DEPTOR: variants seen among roughly 807,000 people sequenced by gnomAD.
DEPTOR encodes DEP domain containing MTOR interacting protein, also known as DEP domain-containing mTOR-interacting protein.
Under a neutral mutation model 41.6 loss-of-function variants are expected in DEPTOR, and 41 were observed. The observed-to-expected ratio is 0.98, with a 90% confidence interval of 0.77 to 1.28. DEPTOR has a LOEUF of 1.28. Ranked by LOEUF, DEPTOR falls within the 50% of genes most tolerant of loss-of-function variation. DEPTOR has a pLI of 0.00. For synonymous variants in DEPTOR, 195 were observed against 192.3 expected (o/e 1.01, Z -0.12); for missense variants, 514 against 527.9 (o/e 0.97, Z 0.26).
chr8:120,018,484 CAGG>C (rs1835099324), intron 8 of DEPTOR, among the ~76,000 whole-genome samples: 2 of 152,134 alleles, frequency 1.3e-5, no homozygotes, highest in African/African-American at 4.8e-5. Flanking sequence ...GAGGCTGAGG[CAGG>C]AGAATTGCTT....
At chr8:119,951,078 C>T (rs903704204) in intron 3 of DEPTOR, among the ~76,000 whole-genome samples, 2 of 149,788 alleles carry the variant, frequency 1.3e-5, no homozygotes, top group African/African-American at 5.1e-5. Flanking sequence ...CACAAACACA[C>T]ACACACACAC....
chr8:119,897,596 G>A (rs7818471), intron 1 of DEPTOR, among the ~76,000 whole-genome samples: 74,469 of 151,948 alleles, frequency 0.49, 19,913 homozygotes, highest in East Asian at 0.92. Context: ...GATATTTCTC[G>A]ATTTCTGTAA....
intron 1 of DEPTOR, among the ~76,000 whole-genome samples, chr8:119,915,067 A>G (rs1387069206): frequency 2.0e-5 from 3 of 152,116 alleles, no homozygotes; most frequent in African/African-American, 4.8e-5. Context: ...CCTGGGTTTA[A>G]GCAATTTTCC....
chr8:120,001,808 C>T (rs1021029478), intron 5 of DEPTOR, 98 bp downstream of exon 5: 19 of 1,365,918 alleles, frequency 1.4e-5, no homozygotes, highest in Admixed American at 1.1e-4. Flanking sequence ...TCTATCAGAG[C>T]GTAGAATTTT....
chr8:120,021,126 G>A (rs986668661), intron 8 of DEPTOR, among the ~76,000 whole-genome samples: 1 of 58,174 alleles, frequency 1.7e-5, no homozygotes, highest in East Asian at 3.9e-4. Flanking sequence ...GAATATGTGG[G>A]CCAGGTGCGG....
chr8:120,028,088 A>G (rs1295335118), intron 8 of DEPTOR, among the ~76,000 whole-genome samples: 1 of 152,204 alleles, frequency 6.6e-6, no homozygotes, highest in Non-Finnish European at 1.5e-5. Flanking sequence ...CTCAAATTCA[A>G]ACGGAAGGTG....
At chr8:119,970,333 GTAT>G (rs1447527539) in intron 4 of DEPTOR, among the ~76,000 whole-genome samples, 2 of 152,176 alleles carry the variant, frequency 1.3e-5, no homozygotes, top group African/African-American at 4.8e-5. Flanking sequence ...TGTGGCATTA[GTAT>G]TATTATTGCA....
At chr8:120,015,119 A>G (rs1002779768) in intron 8 of DEPTOR, among the ~76,000 whole-genome samples, 1 of 152,188 alleles carries the variant, frequency 6.6e-6, no homozygotes, top group Non-Finnish European at 1.5e-5. Flanking sequence ...ATGGCTCCCC[A>G]TCACAATAGG....
intron 1 of DEPTOR, among the ~76,000 whole-genome samples, chr8:119,898,056 C>T (rs939969291): frequency 2.6e-5 from 4 of 152,150 alleles, no homozygotes; most frequent in Admixed American, 6.5e-5. Context: ...GAGGGATAGG[C>T]AACAACTATG....
In DEPTOR at chr8:119,929,860, G is replaced by A. The variant is rs762470571; in HGVS notation, c.347G>A (p.Arg116His). The change falls in exon 3 of 9, where the codon CGC becomes CAC. Residue 116 changes from arginine (R) to histidine (H), a missense_variant. Arg to His is a conservative substitution (Grantham distance 29, BLOSUM62 0). Transcript: ENST00000286234. ...TTCAAGGATGTCAAACTCTTCTACC[G>A]CTTTAGAAAGGATGACGGCACCTTC... Reference protein sequence around the residue: ...KEFKDVKLFYRFRKDDGTFPL... With the variant: ...KEFKDVKLFYHFRKDDGTFPL... 18 of 1,613,666 alleles carry A rather than the reference G, an allele frequency of 1.1e-5. No homozygotes were observed. The highest frequency in any genetic ancestry group is 1.6e-4 in the Middle Eastern group (1 of 6,080).
chr8:119,890,908 C>T (rs777709978), intron 1 of DEPTOR, among the ~76,000 whole-genome samples: 9 of 152,002 alleles, frequency 5.9e-5, no homozygotes, highest in Non-Finnish European at 1.3e-4. Flanking sequence ...TGTTTGCCTT[C>T]GGGTCACAGT....
At chr8:119,982,080 AC>A (rs1348391235) in intron 4 of DEPTOR, among the ~76,000 whole-genome samples, 7 of 151,088 alleles carry the variant, frequency 4.6e-5, no homozygotes, top group Non-Finnish European at 1.0e-4. Context: ...AGTTTTACTG[AC>A]AGCAGAACAA....
chr8:120,029,003 G>C (rs548897235), intron 8 of DEPTOR, among the ~76,000 whole-genome samples: 1 of 151,814 alleles, frequency 6.6e-6, no homozygotes, highest in East Asian at 2.0e-4. Context: ...AACCTGGGAG[G>C]CAGAGGTTGT....
At chr8:119,979,307 T>G (rs1828733880) in intron 4 of DEPTOR, among the ~76,000 whole-genome samples, 1 of 152,160 alleles carries the variant, frequency 6.6e-6, no homozygotes, top group South Asian at 2.1e-4. Flanking sequence ...GGTGGAGTCT[T>G]GCTCTGTTGC....
chr8:120,033,698 C>T (rs1161177519), intron 8 of DEPTOR, among the ~76,000 whole-genome samples: 1 of 152,168 alleles, frequency 6.6e-6, no homozygotes, highest in Non-Finnish European at 1.5e-5. Context: ...TGCTAGGCTC[C>T]TAAAGATGAC....
intron 3 of DEPTOR, among the ~76,000 whole-genome samples, chr8:119,952,330 G>C (rs1163607927): frequency 6.6e-6 from 1 of 152,156 alleles, no homozygotes; most frequent in Non-Finnish European, 1.5e-5. Context: ...GGCACCTTCT[G>C]CTCTTTCCGT....
At position 120,050,368 on chromosome 8, in the gene DEPTOR, G is replaced by C. The variant is rs1813218523; in HGVS notation, c.*664G>C. On this transcript the variant is annotated 3_prime_UTR_variant, in exon 9 of 9. Coordinates refer to ENST00000286234, the MANE Select transcript of DEPTOR (RefSeq NM_022783.4). The stretch of plus-strand genomic sequence containing the variant: ...GGGGGTAGTTAGGGAGAGACTACAT[G>C]AAATTGTGTGCCCCTATTTTCTTTC... 6.6e-6 allele frequency: 1 copy of C among 151,664 alleles called. No homozygotes were observed. Among genetic ancestry groups the C allele is most frequent in the South Asian group, 2.1e-4 (1 of 4,810 alleles). The allele number at this position is 151,664 out of a possible 1,614,324, so 9.4% of individuals were successfully genotyped here.
rs375947550 is a variant in DEPTOR, at chr8:119,959,550, G to A, written c.426-5682G>A. 4.2e-5 allele frequency among the ~76,000 whole-genome samples: 6 copies of A among 143,560 alleles called. No individual in the cohort carries two copies. In the East Asian group the frequency reaches 1.1e-3, roughly 26 times the overall value. The allele number at this position is 143,560 out of a possible 152,430, so 94.2% of individuals were successfully genotyped here. On this transcript the variant is annotated intron_variant, in intron 3 of 8. Transcript: ENST00000286234. The stretch of plus-strand genomic sequence containing the variant: ...AATAATCTTTTTTTTTTTTTGAAAC[G>A]GAGTCTTGCTCTGTCACCCAGGCTG...
intron 3 of DEPTOR, among the ~76,000 whole-genome samples, chr8:119,954,501 C>G (rs1162875580): frequency 6.6e-6 from 1 of 152,068 alleles, no homozygotes; most frequent in Non-Finnish European, 1.5e-5. Context: ...TTTTAAAGCT[C>G]TCTTTCTAAA....
Sources: allele counts gnomAD v4.1 joint callset (sites outside exome capture counted in the v4.1 genomes callset), GRCh38; gene constraint gnomAD v4.1.1; transcripts MANE v1.5; gene names NCBI Gene and HGNC (gene_info 2026-07-23, HGNC 2026-07-21).